The following HMGCLL1 variants were observed in gnomAD, a reference collection of about 807,000 sequenced individuals.
HMGCLL1 encodes the protein 3-hydroxy-3-methylglutaryl-CoA lyase like 1, also known as 3-hydroxymethyl-3-methylglutaryl-CoA lyase, cytoplasmic.
A neutral mutation model predicts 39.1 loss-of-function variants in HMGCLL1; 36 were observed. That is an observed-to-expected ratio of 0.92 (90% CI 0.71 to 1.22). The LOEUF (loss-of-function observed/expected upper bound fraction) is 1.22, where lower values mean the gene tolerates loss of function less well. Among genes scored for constraint, HMGCLL1 ranks in the 50% most tolerant of loss-of-function variants. HMGCLL1 has a pLI of 0.00. For synonymous variants in HMGCLL1, 149 were observed against 144.0 expected, an observed-to-expected ratio of 1.03 and a Z score of -0.25; for missense variants, 451 against 416.5, an observed-to-expected ratio of 1.08 and a Z score of -0.72.
At chr6:55,609,850 G>A in the HMGCLL1 span, among the ~76,000 whole-genome samples, 1 of 152,106 alleles carries the variant, frequency 6.6e-6, no homozygotes, top group Non-Finnish European at 1.5e-5. Flanking sequence ...CTGTTCTCTA[G>A]CCTCCTTAAG....
the HMGCLL1 span, among the ~76,000 whole-genome samples, chr6:55,622,270 C>A: frequency 2.0e-5 from 3 of 151,960 alleles, no homozygotes; most frequent in South Asian, 2.1e-4. Context: ...ATTTCTTTCT[C>A]TTTTCTGATG....
At chr6:55,576,551 C>CCT (rs1771770055) in intron 1 of HMGCLL1, among the ~76,000 whole-genome samples, 1 of 152,066 alleles carries the variant, frequency 6.6e-6, no homozygotes, top group Non-Finnish European at 1.5e-5. Flanking sequence ...GAACACTTTC[C>CCT]AATTAGCTAT....
the HMGCLL1 span, among the ~76,000 whole-genome samples, chr6:55,621,823 T>C: frequency 6.6e-6 from 1 of 152,156 alleles, no homozygotes; most frequent in African/African-American, 2.4e-5. Context: ...TTTCATCTTT[T>C]ACCCTTTCAA....
chr6:55,567,810 G>A (rs911869608), intron 1 of HMGCLL1, among the ~76,000 whole-genome samples: 3 of 152,092 alleles, frequency 2.0e-5, no homozygotes, highest in Non-Finnish European at 2.9e-5. Flanking sequence ...CCCTGCTAGC[G>A]TCGGAGTGCC....
chr6:55,558,464 C>T (rs745540026), intron 1 of HMGCLL1, among the ~76,000 whole-genome samples: 1 of 152,116 alleles, frequency 6.6e-6, no homozygotes, highest in East Asian at 1.9e-4. Context: ...CTTGATTGTC[C>T]CACTTAAATT....
intron 1 of HMGCLL1, among the ~76,000 whole-genome samples, chr6:55,570,873 A>G (rs751182771): frequency 7.9e-5 from 12 of 152,224 alleles, no homozygotes; most frequent in Admixed American, 1.3e-4. Context: ...ACAGTTCCAC[A>G]TGGCTAGGGA....
chr6:55,443,712 A>G (rs1179831056), intron 7 of HMGCLL1, among the ~76,000 whole-genome samples: 2 of 152,168 alleles, frequency 1.3e-5, no homozygotes, highest in Non-Finnish European at 2.9e-5. Flanking sequence ...ATTAAATCAA[A>G]GATTGTGCGT....
the HMGCLL1 span, among the ~76,000 whole-genome samples, chr6:55,619,286 A>T: frequency 1.3e-5 from 2 of 152,232 alleles, no homozygotes; most frequent in Non-Finnish European, 2.9e-5. Context: ...AAAATTATAT[A>T]AAAAAATCAG....
intron 7 of HMGCLL1, among the ~76,000 whole-genome samples, chr6:55,447,982 T>C (rs1763928384): frequency 6.6e-6 from 1 of 152,126 alleles, no homozygotes; most frequent in African/African-American, 2.4e-5. Flanking sequence ...AGGGTGTGAA[T>C]TAGAAGAAGA....
At chr6:55,594,504 G>T in the HMGCLL1 span, among the ~76,000 whole-genome samples, 1 of 152,184 alleles carries the variant, frequency 6.6e-6, no homozygotes, top group Non-Finnish European at 1.5e-5. Context: ...TGAAACATTT[G>T]TTCTGAGAAT....
intron 8 of HMGCLL1, among the ~76,000 whole-genome samples, chr6:55,437,989 G>A (rs1327064668): frequency 6.6e-6 from 1 of 152,018 alleles, no homozygotes; most frequent in Non-Finnish European, 1.5e-5. Flanking sequence ...TAGTTGAATT[G>A]TGGCAGCTAC....
chr6:55,565,440 T>C (rs539278926), intron 1 of HMGCLL1, among the ~76,000 whole-genome samples: 5 of 152,256 alleles, frequency 3.3e-5, no homozygotes, highest in African/African-American at 9.6e-5. Flanking sequence ...GTTAATGTAG[T>C]ATTTTGTATA....
chr6:55,485,412 C>A (rs1201578163), intron 7 of HMGCLL1, among the ~76,000 whole-genome samples: 1 of 151,918 alleles, frequency 6.6e-6, no homozygotes, highest in Non-Finnish European at 1.5e-5. Context: ...GTGCCTAGAA[C>A]AGTATCTGAT....
chr6:55,559,163 A>T (rs1247214130), intron 1 of HMGCLL1, among the ~76,000 whole-genome samples: 1 of 152,056 alleles, frequency 6.6e-6, no homozygotes, highest in South Asian at 2.1e-4. Flanking sequence ...ATTAAATGAG[A>T]CTTTTTGTTC....
chr6:55,660,530 C>G, the HMGCLL1 span, among the ~76,000 whole-genome samples: 1 of 152,052 alleles, frequency 6.6e-6, no homozygotes. Context: ...ATCCATGTAC[C>G]TGCAAAAGGC....
At chr6:55,531,335 T>A (rs1768656333) in intron 3 of HMGCLL1, among the ~76,000 whole-genome samples, 2 of 152,098 alleles carry the variant, frequency 1.3e-5, no homozygotes, top group Admixed American at 1.3e-4. Context: ...AGAGTCAGAA[T>A]CAAGTCTTTC....
At chr6:55,590,586 A>G in the HMGCLL1 span, among the ~76,000 whole-genome samples, 1 of 152,132 alleles carries the variant, frequency 6.6e-6, no homozygotes, top group African/African-American at 2.4e-5. Context: ...CTGCACAGCA[A>G]AGGAAACTAC....
intron 6 of HMGCLL1, among the ~76,000 whole-genome samples, chr6:55,496,013 TAA>T (rs34259606): frequency 0.027 from 4,082 of 152,230 alleles, 179 homozygotes; most frequent in African/African-American, 0.094. Flanking sequence ...AAAATAGTAA[TAA>T]GAGATCTTCA....
At chr6:55,490,316 A>T (rs1322150596) in intron 7 of HMGCLL1, among the ~76,000 whole-genome samples, 2 of 152,156 alleles carry the variant, frequency 1.3e-5, no homozygotes, top group East Asian at 3.9e-4. Flanking sequence ...AATGGTGCTG[A>T]TGTAAGCATG....
Sources: gnomAD v4.1 joint callset for allele counts (sites outside exome capture counted in the v4.1 genomes callset) on GRCh38, gnomAD v4.1.1 for gene constraint, MANE v1.5 for transcripts, NCBI Gene and HGNC (gene_info 2026-07-23, HGNC 2026-07-21) for gene names.